Variants in RASGEF1A observed in about 807,000 individuals in gnomAD.
The protein encoded by RASGEF1A is RasGEF domain family member 1A.
Under a neutral mutation model 56.4 loss-of-function variants are expected in RASGEF1A, and 18 were observed. That is an observed-to-expected ratio of 0.32 (90% CI 0.22 to 0.47). RASGEF1A has a LOEUF of 0.47. Ranked by LOEUF, RASGEF1A falls within the 20% of genes least tolerant of loss-of-function variation. The pLI, the probability that RASGEF1A is intolerant of heterozygous loss-of-function variation, is 1.00. For missense variants in RASGEF1A, 422 were observed against 627.1 expected (o/e 0.67, Z 3.49); for synonymous variants, 245 against 242.6 (o/e 1.01, Z -0.09).
rs551425769 is a variant in RASGEF1A, at chr10:43,218,825, G to A, written c.-6-12703C>T. 9.2e-5 allele frequency among the ~76,000 whole-genome samples: 14 copies of A among 152,374 alleles called. No homozygotes were observed. In the South Asian group the frequency reaches 1.0e-3, roughly 11 times the overall value. On this transcript the variant is annotated intron_variant, in intron 1 of 12. Coordinates refer to ENST00000395810, the MANE Select transcript of RASGEF1A (RefSeq NM_145313.4). ...CCAGAGGCCTGGCCACAGGCGCGAC[G>A]CGGATAATTAAAGCTTTGTTACAGA...
intron 1 of RASGEF1A, among the ~76,000 whole-genome samples, chr10:43,248,913 C>T (rs961877108): frequency 6.6e-6 from 1 of 152,008 alleles, no homozygotes; most frequent in Non-Finnish European, 1.5e-5. Flanking sequence ...GGGAAACACA[C>T]ACCAGCCGGC....
chr10:43,236,346 T>C (rs1840430721), intron 1 of RASGEF1A, among the ~76,000 whole-genome samples: 1 of 152,248 alleles, frequency 6.6e-6, no homozygotes, highest in Non-Finnish European at 1.5e-5. Flanking sequence ...TGTATACATG[T>C]GCTTGAGTGT....
intron 1 of RASGEF1A, among the ~76,000 whole-genome samples, chr10:43,238,501 C>T (rs1840464185): frequency 6.6e-6 from 1 of 152,170 alleles, no homozygotes; most frequent in Non-Finnish European, 1.5e-5. Flanking sequence ...AGCCTGGGTT[C>T]CCCAGCCTCC....
chr10:43,219,977 G>T (rs1459074206), intron 1 of RASGEF1A, among the ~76,000 whole-genome samples: 1 of 152,194 alleles, frequency 6.6e-6, no homozygotes, highest in Non-Finnish European at 1.5e-5. Flanking sequence ...CCAGCCCCCT[G>T]CTGGGTCACA....
rs371694944 is a variant in RASGEF1A, at chr10:43,196,296, C to G, written c.1422-28G>C. The G allele has an allele frequency of 1.2e-6, 2 of 1,612,134 alleles. No individual in the cohort carries two copies. Among genetic ancestry groups the G allele is most frequent in the African/African-American group, 2.7e-5 (2 of 74,876 alleles). On this transcript the variant is annotated intron_variant, in intron 12 of 12. Coordinates refer to ENST00000395810, the MANE Select transcript of RASGEF1A (RefSeq NM_145313.4). This position sits in a 1 kb window ranked among gnomAD's most constrained non-coding sequence, Gnocchi z 4.6. ...AGAGGGGGACAGGACAAGCAGTGCT[C>G]AGGCCCGAGCAGGGCGGCTTGGGTC... is the stretch of plus-strand genomic sequence containing the variant.
chr10:43,237,521 C>T (rs1840446904), intron 1 of RASGEF1A, among the ~76,000 whole-genome samples: 1 of 151,692 alleles, frequency 6.6e-6, no homozygotes, highest in South Asian at 2.1e-4. Flanking sequence ...CTCCTGACCC[C>T]GGCTCCTCCT....
intron 1 of RASGEF1A, among the ~76,000 whole-genome samples, chr10:43,225,523 C>G (rs960480893): frequency 2.6e-5 from 4 of 151,344 alleles, no homozygotes; most frequent in African/African-American, 9.7e-5. Context: ...GTCTGTGTGT[C>G]TCTGTGTCTG....
intron 1 of RASGEF1A, among the ~76,000 whole-genome samples, chr10:43,266,148 G>C (rs980252831): frequency 6.6e-6 from 1 of 152,272 alleles, no homozygotes; most frequent in East Asian, 1.9e-4. Flanking sequence ...CTGCCAGCGC[G>C]TCCCTCCACA....
At chr10:43,229,176 C>A (rs1221663403) in intron 1 of RASGEF1A, among the ~76,000 whole-genome samples, 1 of 152,208 alleles carries the variant, frequency 6.6e-6, no homozygotes, top group Non-Finnish European at 1.5e-5. Context: ...GCGCGTGGGG[C>A]TCACAAGGCA....
intron 1 of RASGEF1A, chr10:43,207,387 C>G: frequency 1.0e-6 from 1 of 975,316 alleles, no homozygotes; most frequent in Non-Finnish European, 1.2e-6. Context: ...ACACCCCCCA[C>G]GTCAACACAC....
At chr10:43,258,343 G>A (rs964673626) in intron 1 of RASGEF1A, among the ~76,000 whole-genome samples, 2 of 152,196 alleles carry the variant, frequency 1.3e-5, no homozygotes, top group South Asian at 2.1e-4. Flanking sequence ...AGGTGAGGGG[G>A]CTGTGGAAGG....
intron 1 of RASGEF1A, chr10:43,207,569 C>T (rs996986300): frequency 4.7e-5 from 46 of 985,448 alleles, no homozygotes; most frequent in Non-Finnish European, 4.8e-5. Flanking sequence ...AGAGCAAGAA[C>T]GCAACCAAAG....
intron 1 of RASGEF1A, among the ~76,000 whole-genome samples, chr10:43,240,811 A>G (rs1240697446): frequency 1.3e-5 from 2 of 152,238 alleles, no homozygotes; most frequent in African/African-American, 4.8e-5. Context: ...AGAAGCAATA[A>G]TGGCTAAAAT....
intron 1 of RASGEF1A, among the ~76,000 whole-genome samples, chr10:43,257,104 TC>T (rs1836429010): frequency 6.6e-6 from 1 of 152,106 alleles, no homozygotes; most frequent in Non-Finnish European, 1.5e-5. Context: ...CTTTCCACTC[TC>T]CAATGGTTCT....
chr10:43,201,871 G>A lies in RASGEF1A; in HGVS notation c.396C>T (p.Phe132=). 6.2e-7 allele frequency: 1 copy of A among 1,612,268 alleles called. No individual in the cohort carries two copies. Among genetic ancestry groups the A allele is most frequent in the Non-Finnish European group, 8.5e-7 (1 of 1,178,992 alleles). Reference sequence around the variant, plus strand: ...GCTCGGCCATGGCCTTCTCATCCTGGAAGTCATAGGGGAAGGCCTCGGTCC... The same window carrying A: ...GCTCGGCCATGGCCTTCTCATCCTGAAAGTCATAGGGGAAGGCCTCGGTCC... ...KEWTEAFPYD[F]QDEKAMAELK... The change falls in exon 4 of 13, where the codon TTC becomes TTT. Residue 132 remains phenylalanine, a synonymous_variant. Transcript: ENST00000395810.
chr10:43,195,268 G>C lies in RASGEF1A; in HGVS notation c.*976C>G, dbSNP rs1450948968. The C allele has an allele frequency of 6.6e-6, 1 of 152,280 alleles. No homozygotes were observed. The highest frequency in any genetic ancestry group is 1.5e-5 in the Non-Finnish European group (1 of 68,082). 9.4% of individuals were successfully genotyped at this position (152,280 alleles called of 1,614,324 possible). A position where few individuals can be genotyped will look rare whatever the true frequency, so the allele number is the denominator to read the frequency against. Reference sequence around the variant, plus strand: ...AGAAAACACCTCTCAGTATTGGGCAGTTTTATCTGAATGGGCTCCAGCAGT... The same window carrying C: ...AGAAAACACCTCTCAGTATTGGGCACTTTTATCTGAATGGGCTCCAGCAGT... On this transcript the variant is annotated 3_prime_UTR_variant, in exon 13 of 13. Coordinates refer to ENST00000395810, the MANE Select transcript of RASGEF1A (RefSeq NM_145313.4). This position sits in a 1 kb window ranked among gnomAD's most constrained non-coding sequence, Gnocchi z 4.2.
chr10:43,257,023 G>A (rs898394937), intron 1 of RASGEF1A, among the ~76,000 whole-genome samples: 6 of 152,184 alleles, frequency 3.9e-5, no homozygotes, highest in African/African-American at 1.4e-4. Flanking sequence ...CACTCCCAGA[G>A]TCTGGGCCAT....
Position 43,201,682 on chromosome 10 carries a change from C to A in RASGEF1A, c.459+126G>T, listed in dbSNP as rs1839900825. ...AGGGAGGTTGAATGGGGCCAGCCAG[C>A]AACCCTCCTGGGGGAGTAACATGGA... On this transcript the variant is annotated intron_variant, in intron 4 of 12. Coordinates refer to ENST00000395810, the MANE Select transcript of RASGEF1A (RefSeq NM_145313.4). 2.8e-6 allele frequency: 3 copies of A among 1,075,672 alleles called. No individual in the cohort carries two copies. The East Asian group carries it at 8.4e-5, about 30-fold the overall frequency. 66.6% of individuals were successfully genotyped at this position (1,075,672 alleles called of 1,614,324 possible).
intron 1 of RASGEF1A, among the ~76,000 whole-genome samples, chr10:43,236,589 C>T (rs1370169933): frequency 1.3e-5 from 2 of 152,254 alleles, no homozygotes; most frequent in Non-Finnish European, 2.9e-5. Context: ...CTCGCGCCCT[C>T]CCTCCTCCTC....
Sources: gnomAD v4.1 joint callset for allele counts (sites outside exome capture counted in the v4.1 genomes callset) on GRCh38, gnomAD v4.1.1 for gene constraint, Gnocchi (gnomAD v3.1) non-coding constraint, MANE v1.5 for transcripts, NCBI Gene and HGNC (gene_info 2026-07-23, HGNC 2026-07-21) for gene names.